Variants in LRRC38 observed in about 807,000 individuals in gnomAD.
LRRC38 encodes leucine-rich repeat-containing protein 38.
A neutral mutation model predicts 16.4 loss-of-function variants in LRRC38; 5 were observed. The observed-to-expected ratio is 0.31, with a 90% CI of 0.16 to 0.64. LRRC38 has a LOEUF of 0.64. Among genes scored for constraint, LRRC38 ranks in the 30% least tolerant of loss-of-function variants. The pLI is 0.80. For missense variants in LRRC38, 341 were observed against 401.8 expected (o/e 0.85, Z 1.29); for synonymous variants, 191 against 190.2 (o/e 1.00, Z -0.04).
chr1:13,488,539 G>A (rs11809061), intron 1 of LRRC38, among the ~76,000 whole-genome samples: 13,863 of 151,954 alleles, frequency 0.091, 1,396 homozygotes, highest in African/African-American at 0.24. Flanking sequence ...GAAAGTGCTG[G>A]GATTTCAGGC....
chr1:13,480,982 C>T (rs572001750), intron 1 of LRRC38, among the ~76,000 whole-genome samples: 4 of 152,278 alleles, frequency 2.6e-5, no homozygotes, highest in East Asian at 3.9e-4. Context: ...ATGGACTAAA[C>T]ATTTAGATCC....
chr1:13,497,632 A>T (rs1639095212), intron 1 of LRRC38, among the ~76,000 whole-genome samples: 1 of 152,004 alleles, frequency 6.6e-6, no homozygotes. Flanking sequence ...CATATGCAAA[A>T]AAAAAGGAAA....
At chr1:13,505,753 T>G (rs1049686058) in intron 1 of LRRC38, among the ~76,000 whole-genome samples, 73 of 152,090 alleles carry the variant, frequency 4.8e-4, no homozygotes, top group African/African-American at 1.6e-3. Flanking sequence ...GAGGTGATGC[T>G]TGATGGAAGA....
chr1:13,506,788 CGAA>C (rs796855310), intron 1 of LRRC38, among the ~76,000 whole-genome samples: 13 of 152,240 alleles, frequency 8.5e-5, no homozygotes, highest in African/African-American at 2.9e-4. Context: ...CGCACCAGCC[CGAA>C]GGCTGATAAG....
At chr1:13,499,113 T>C (rs987925061) in intron 1 of LRRC38, among the ~76,000 whole-genome samples, 1 of 152,306 alleles carries the variant, frequency 6.6e-6, no homozygotes, top group South Asian at 2.1e-4. Flanking sequence ...GTTTGTTTTT[T>C]TGAGACAGAG....
chr1:13,495,582 C>T (rs1019782801), intron 1 of LRRC38, among the ~76,000 whole-genome samples: 3 of 152,002 alleles, frequency 2.0e-5, no homozygotes, highest in Non-Finnish European at 2.9e-5. Context: ...CCTACTCCTT[C>T]GGCCAGCAGA....
Position 13,513,630 on chromosome 1 carries a change from G to C in LRRC38, c.-37C>G, listed in dbSNP as rs1297249230. 2.9e-6 allele frequency: 3 copies of C among 1,049,726 alleles called. No homozygotes were observed. The highest frequency in any genetic ancestry group is 3.4e-6 in the Non-Finnish European group (3 of 873,570). The allele number at this position is 1,049,726 out of a possible 1,614,324, so 65.0% of individuals were successfully genotyped here. A position where few individuals can be genotyped will look rare whatever the true frequency, so the allele number is the denominator to read the frequency against. ...CCGCGCCGGCCGCGGCGAGAAGGAA[G>C]CGGCTCTCGGAGCGAGCCCTGGCGC... On this transcript the variant is annotated 5_prime_UTR_variant, in exon 1 of 2. Transcript: ENST00000376085.
chr1:13,488,499 T>C (rs1333270379), intron 1 of LRRC38, among the ~76,000 whole-genome samples: 2 of 152,088 alleles, frequency 1.3e-5, no homozygotes, highest in Non-Finnish European at 1.5e-5. Context: ...CTTGAACTCC[T>C]GACCTCATGA....
intron 1 of LRRC38, among the ~76,000 whole-genome samples, chr1:13,501,432 G>GATA (rs1303713602): frequency 2.0e-5 from 3 of 151,196 alleles, no homozygotes; most frequent in African/African-American, 7.4e-5. Context: ...ATTTTGAGAC[G>GATA]GAATCTCACT....
intron 1 of LRRC38, among the ~76,000 whole-genome samples, chr1:13,501,742 C>T (rs542509579): frequency 2.9e-4 from 43 of 150,672 alleles, no homozygotes; most frequent in African/African-American, 1.0e-3. Flanking sequence ...TACAGGTGCG[C>T]GCCACCATGC....
chr1:13,495,376 T>C (rs549730776), intron 1 of LRRC38, among the ~76,000 whole-genome samples: 4 of 152,112 alleles, frequency 2.6e-5, no homozygotes, highest in Admixed American at 6.6e-5. Context: ...GGATCCGTTG[T>C]GAGCAGAATG....
At chr1:13,497,603 G>A (rs1639094739) in intron 1 of LRRC38, among the ~76,000 whole-genome samples, 1 of 150,014 alleles carries the variant, frequency 6.7e-6, no homozygotes, top group African/African-American at 2.5e-5. Context: ...CATATAAACT[G>A]GAGCGATTCT....
At chr1:13,506,750 C>T (rs1053753142) in intron 1 of LRRC38, among the ~76,000 whole-genome samples, 2 of 152,220 alleles carry the variant, frequency 1.3e-5, no homozygotes, top group Non-Finnish European at 2.9e-5. Context: ...TGAGCCACCA[C>T]GCCTGGCCCT....
chr1:13,492,371 A>G (rs368142230), intron 1 of LRRC38, among the ~76,000 whole-genome samples: 38 of 152,324 alleles, frequency 2.5e-4, no homozygotes, highest in East Asian at 1.7e-3. Flanking sequence ...GAGGAAAAAT[A>G]TAATGCAAAA....
chr1:13,488,193 T>A (rs1197991880), intron 1 of LRRC38, among the ~76,000 whole-genome samples: 3 of 151,782 alleles, frequency 2.0e-5, no homozygotes, highest in African/African-American at 7.3e-5. Context: ...TGAGCCATGA[T>A]TTACTTACCC....
intron 1 of LRRC38, 38 bp downstream of exon 1, chr1:13,512,925 C>T (rs868283736): frequency 5.7e-6 from 7 of 1,236,058 alleles, no homozygotes; most frequent in South Asian, 2.8e-5. Flanking sequence ...CTCCCTGCCC[C>T]CCTCCCTCCC....
At chr1:13,476,305 G>T (rs1331991329) in intron 1 of LRRC38, among the ~76,000 whole-genome samples, 2 of 150,494 alleles carry the variant, frequency 1.3e-5, no homozygotes, top group South Asian at 4.2e-4. Flanking sequence ...GTTGGAACGT[G>T]CTGGTCTTCA....
At chr1:13,509,483 A>T (rs3013056) in intron 1 of LRRC38, among the ~76,000 whole-genome samples, 85,210 of 151,264 alleles carry the variant, frequency 0.56, 24,807 homozygotes, top group Middle Eastern at 0.66. Context: ...CCAGCGGCAT[A>T]TTCTCCCTAT....
intron 1 of LRRC38, 80 bp downstream of exon 1, chr1:13,512,883 C>G: frequency 5.6e-6 from 8 of 1,417,868 alleles, no homozygotes; most frequent in Non-Finnish European, 7.5e-6. Flanking sequence ...ACCCACGGCT[C>G]CTCCCACCCA....
Sources: allele counts gnomAD v4.1 joint callset (sites outside exome capture counted in the v4.1 genomes callset), GRCh38; gene constraint gnomAD v4.1.1; transcripts MANE v1.5; gene names NCBI Gene and HGNC (gene_info 2026-07-23, HGNC 2026-07-21).